Variants in PDE6A observed in about 807,000 individuals in gnomAD.
PDE6A encodes phosphodiesterase 6A.
Under a neutral mutation model 106.3 loss-of-function variants are expected in PDE6A, and 84 were observed. The ratio of observed to expected loss-of-function variants is 0.79; its 90% CI spans 0.66 to 0.95. PDE6A has a LOEUF of 0.95. PDE6A is among the 40% of genes least tolerant of loss of function. The pLI, the probability that PDE6A is intolerant of heterozygous loss-of-function variation, is 0.00. For synonymous variants in PDE6A, 394 were observed against 386.6 expected (o/e 1.02, Z -0.23); for missense variants, 1,052 against 1,084.9 (o/e 0.97, Z 0.43).
intron 10 of PDE6A, among the ~76,000 whole-genome samples, chr5:149,897,577 G>A (rs1031600468): frequency 6.6e-6 from 1 of 152,090 alleles, no homozygotes; most frequent in Non-Finnish European, 1.5e-5. Flanking sequence ...AAAAACATTA[G>A]CCTGTCTTTA....
Position 149,898,342 on chromosome 5 carries a change from CAAGTA to C in PDE6A, c.1407+16_1407+20del. 1.2e-6 allele frequency: 2 copies of C among 1,611,502 alleles called. No individual in the cohort carries two copies. The stretch of plus-strand genomic sequence containing the variant: ...GACGCAGTCTGTATTAGAGTAGAAA[CAAGTA>C]AAGAACATTACACACCAAGATTTTC... On this transcript the variant is annotated intron_variant, in intron 10 of 21. Transcript: ENST00000255266.
At chr5:149,904,299 G>T (rs374058372) in intron 7 of PDE6A, among the ~76,000 whole-genome samples, 7 of 152,252 alleles carry the variant, frequency 4.6e-5, no homozygotes, top group African/African-American at 1.7e-4. Context: ...GCAGGTAGGG[G>T]TTTTTCCTTT....
chr5:149,869,387 A>G (rs1409388328), intron 17 of PDE6A, among the ~76,000 whole-genome samples: 1 of 151,752 alleles, frequency 6.6e-6, no homozygotes, highest in Admixed American at 6.6e-5. Context: ...AGGTAGAAAG[A>G]GTTCAAAGGT....
intron 13 of PDE6A, among the ~76,000 whole-genome samples, chr5:149,888,619 T>C (rs986021150): frequency 6.6e-6 from 1 of 151,388 alleles, no homozygotes; most frequent in African/African-American, 2.4e-5. Context: ...GATGTTTTAT[T>C]TTGTTAAGGG....
At chr5:149,883,776 G>C (rs1311737727) in intron 16 of PDE6A, among the ~76,000 whole-genome samples, 1 of 152,160 alleles carries the variant, frequency 6.6e-6, no homozygotes, top group Non-Finnish European at 1.5e-5. Context: ...CTGTACAGCG[G>C]GGGTAATGAT....
At chr5:149,936,158 A>AAAGGAAGG (rs151028032) in intron 1 of PDE6A, among the ~76,000 whole-genome samples, 21,356 of 130,530 alleles carry the variant, frequency 0.16, 2,103 homozygotes, top group Admixed American at 0.25. Context: ...TGTCTCTAAA[A>AAAGGAAGG]AAGGAAGGAA....
intron 5 of PDE6A, among the ~76,000 whole-genome samples, chr5:149,917,049 C>CT (rs575173849): frequency 0.018 from 2,526 of 142,110 alleles, 52 homozygotes; most frequent in African/African-American, 0.05. Flanking sequence ...AAGGGGATAT[C>CT]TTTTTTTTTT....
chr5:149,909,924 A>G (rs1040625445), intron 6 of PDE6A, among the ~76,000 whole-genome samples: 4 of 152,180 alleles, frequency 2.6e-5, no homozygotes, highest in Admixed American at 2.6e-4. Flanking sequence ...GCAGTGTTCT[A>G]TCTATATTTA....
intron 1 of PDE6A, among the ~76,000 whole-genome samples, 176 bp from the exon 2 acceptor site, chr5:149,934,894 A>G (rs1472188249): frequency 3.9e-5 from 6 of 152,192 alleles, no homozygotes; most frequent in Admixed American, 3.9e-4. Flanking sequence ...GTAGAAGAAG[A>G]AAGTCTGAGA....
intron 17 of PDE6A, among the ~76,000 whole-genome samples, chr5:149,883,110 G>A (rs959700991): frequency 6.6e-6 from 1 of 152,032 alleles, no homozygotes; most frequent in African/African-American, 2.4e-5. Context: ...AGTGCTTTCC[G>A]TTGTATCAAA....
chr5:149,884,248 GTA>G (rs1295211394), intron 16 of PDE6A, among the ~76,000 whole-genome samples: 2 of 145,016 alleles, frequency 1.4e-5, no homozygotes, highest in South Asian at 2.2e-4. Context: ...AGATATATGT[GTA>G]TATATATGTG....
In PDE6A at chr5:149,920,942, A is replaced by AAAAGAAAGAAAGAAGAAAG. The variant is rs1554091216; in HGVS notation, c.933+692_933+693insCTTTCTTCTTTCTTTCTTT. Among the ~76,000 whole-genome samples the AAAAGAAAGAAAGAAGAAAG allele has an allele frequency of 2.0e-4, 22 of 108,350 alleles. No homozygotes were observed. In the South Asian group the frequency reaches 4.6e-3, roughly 23 times the overall value. The allele number at this position is 108,350 out of a possible 152,430, so 71.1% of individuals were successfully genotyped here. On this transcript the variant is annotated intron_variant, in intron 5 of 21. Coordinates refer to ENST00000255266, the MANE Select transcript of PDE6A (RefSeq NM_000440.3). ...GAAAGAAGAAAGAGAGAAAGAGAGAAAAAGAAAGAAAGAAAGAAAGAAAGA... is the reference window on the plus strand; with the variant it reads ...GAAAGAAGAAAGAGAGAAAGAGAGAAAAAGAAAGAAAGAAGAAAGAAAGAAAGAAAGAAAGAAAGAAAGA...
chr5:149,916,210 A>G (rs1291748763), intron 5 of PDE6A, among the ~76,000 whole-genome samples: 1 of 152,172 alleles, frequency 6.6e-6, no homozygotes, highest in African/African-American at 2.4e-5. Context: ...CTTAGTCTGC[A>G]TGTATGCCCC....
chr5:149,944,784 A>C lies in PDE6A; in HGVS notation c.-111T>G. ...CTGGACTTCTCTGGGTCTTGTCTGCAAAACATACTGAGATGGCCTGCACAG... is the reference window on the plus strand; with the variant it reads ...CTGGACTTCTCTGGGTCTTGTCTGCCAAACATACTGAGATGGCCTGCACAG... On this transcript the variant is annotated 5_prime_UTR_variant, in exon 1 of 22. Coordinates refer to ENST00000255266, the MANE Select transcript of PDE6A (RefSeq NM_000440.3). The C allele has an allele frequency of 2.5e-6, 2 of 804,356 alleles. No individual in the cohort carries two copies. Among genetic ancestry groups the C allele is most frequent in the Non-Finnish European group, 4.2e-6 (2 of 478,832 alleles). 49.8% of individuals were successfully genotyped at this position (804,356 alleles called of 1,614,324 possible).
intron 17 of PDE6A, among the ~76,000 whole-genome samples, chr5:149,876,216 C>T (rs936809740): frequency 6.6e-6 from 1 of 151,972 alleles, no homozygotes; most frequent in Non-Finnish European, 1.5e-5. Context: ...ATTAAACACT[C>T]AAAGCACCCT....
intron 1 of PDE6A, 120 bp downstream of exon 1, chr5:149,944,080 A>G: frequency 1.4e-6 from 1 of 736,676 alleles, no homozygotes; most frequent in African/African-American, 1.8e-5. Flanking sequence ...AAATAAATAA[A>G]GAAGAAGCAC....
At position 149,885,793 on chromosome 5, in the gene PDE6A, G is replaced by A. The variant is rs191899509; in HGVS notation, c.1838+472C>T. Reference sequence around the variant, plus strand: ...GAGTCTGAAATGGGTCCTTAGGGCTGCTTTCCTTCTGGAAGCTCCAGAGGA... The same window carrying A: ...GAGTCTGAAATGGGTCCTTAGGGCTACTTTCCTTCTGGAAGCTCCAGAGGA... On this transcript the variant is annotated intron_variant, in intron 14 of 21. Coordinates refer to ENST00000255266, the MANE Select transcript of PDE6A (RefSeq NM_000440.3). Among the ~76,000 whole-genome samples, 4 of 152,322 alleles carry A rather than the reference G, an allele frequency of 2.6e-5. No individual in the cohort carries two copies. The East Asian group carries it at 7.7e-4, about 29-fold the overall frequency.
chr5:149,917,843 C>T (rs1007669694), intron 5 of PDE6A, among the ~76,000 whole-genome samples: 2 of 152,150 alleles, frequency 1.3e-5, no homozygotes, highest in Non-Finnish European at 2.9e-5. Flanking sequence ...AGCTCTCTTT[C>T]CCCAAGCAAA....
intron 17 of PDE6A, among the ~76,000 whole-genome samples, chr5:149,878,644 G>A (rs916811484): frequency 4.6e-5 from 7 of 152,176 alleles, no homozygotes; most frequent in Admixed American, 4.6e-4. Context: ...TGGGGAACGA[G>A]GTGGCCCTTT....
Sources: gnomAD v4.1 joint callset for allele counts (sites outside exome capture counted in the v4.1 genomes callset) on GRCh38, gnomAD v4.1.1 for gene constraint, MANE v1.5 for transcripts, NCBI Gene and HGNC (gene_info 2026-07-23, HGNC 2026-07-21) for gene names.